The following PCDH15 variants were observed in gnomAD, a reference collection of about 807,000 sequenced individuals.
The protein encoded by PCDH15 is protocadherin-15.
A neutral mutation model predicts 178.5 loss-of-function variants in PCDH15; 129 were observed. The ratio of observed to expected loss-of-function variants is 0.72; its 90% CI spans 0.63 to 0.84. The LOEUF is 0.84. Ranked by LOEUF, PCDH15 falls within the 40% of genes least tolerant of loss-of-function variation. The pLI is 0.00. For missense variants in PCDH15, 2,230 were observed against 2,099.9 expected, an observed-to-expected ratio of 1.06 and a Z score of -1.21; for synonymous variants, 800 against 732.0, an observed-to-expected ratio of 1.09 and a Z score of -1.50.
At chr10:54,241,839 T>G (rs571928176) in intron 8 of PCDH15, among the ~76,000 whole-genome samples, 4 of 152,018 alleles carry the variant, frequency 2.6e-5, no homozygotes, top group Non-Finnish European at 4.4e-5. Context: ...AAAAAAAGTC[T>G]TCTGTGAAAA....
intron 15 of PCDH15, among the ~76,000 whole-genome samples, chr10:54,129,952 T>C (rs753212609): frequency 7.2e-5 from 11 of 152,090 alleles, no homozygotes; most frequent in Non-Finnish European, 1.2e-4. Context: ...AGGAGAAATA[T>C]GCAAATGGTG....
intron 2 of PCDH15, among the ~76,000 whole-genome samples, chr10:54,554,989 A>G (rs543004137): frequency 4.6e-5 from 7 of 152,290 alleles, no homozygotes; most frequent in African/African-American, 1.7e-4. Flanking sequence ...CAGAAAGGAC[A>G]TTGGAAAAAG....
chr10:55,495,376 TCTACC>T (rs538018062), intron 2 of PCDH15, among the ~76,000 whole-genome samples: 185 of 151,876 alleles, frequency 1.2e-3, no homozygotes, highest in Admixed American at 2.0e-3. Flanking sequence ...ATAAGGGACT[TCTACC>T]CAGAATTTAC....
At chr10:55,193,096 G>A (rs1839987912) in intron 1 of PCDH15, among the ~76,000 whole-genome samples, 1 of 150,390 alleles carries the variant, frequency 6.6e-6, no homozygotes. Context: ...AAGAGACACT[G>A]TCCTCAACCT....
chr10:53,931,293 A>G (rs971318247), intron 25 of PCDH15, among the ~76,000 whole-genome samples: 3 of 152,228 alleles, frequency 2.0e-5, no homozygotes, highest in African/African-American at 7.2e-5. Context: ...AGTGGGCAGA[A>G]CTGGAGCTTA....
At chr10:54,478,399 G>T (rs1436080489) in intron 3 of PCDH15, among the ~76,000 whole-genome samples, 2 of 152,092 alleles carry the variant, frequency 1.3e-5, no homozygotes, top group African/African-American at 2.4e-5. Context: ...GCCCCAAATT[G>T]TAATGATAGC....
chr10:55,484,965 A>G (rs1840266047), intron 2 of PCDH15, among the ~76,000 whole-genome samples: 1 of 151,806 alleles, frequency 6.6e-6, no homozygotes. Flanking sequence ...ACTTCATGAT[A>G]TTGTTCTGGG....
chr10:54,032,265 G>A (rs1258536293), intron 18 of PCDH15, among the ~76,000 whole-genome samples: 1 of 151,838 alleles, frequency 6.6e-6, no homozygotes, highest in East Asian at 1.9e-4. Flanking sequence ...AGAAGCATCT[G>A]AGTAAGCTAA....
intron 28 of PCDH15, among the ~76,000 whole-genome samples, chr10:53,852,803 AG>A (rs2132963029): frequency 6.6e-6 from 1 of 152,242 alleles, no homozygotes; most frequent in Non-Finnish European, 1.5e-5. Flanking sequence ...TTCATCGGAT[AG>A]GGATGTCTCA....
At chr10:54,259,137 A>G (rs2057133021) in intron 8 of PCDH15, among the ~76,000 whole-genome samples, 1 of 152,246 alleles carries the variant, frequency 6.6e-6, no homozygotes, top group East Asian at 1.9e-4. Flanking sequence ...AGAATGCTGC[A>G]GAAGGGCTCA....
At chr10:53,874,135 G>GT (rs924560787) in intron 26 of PCDH15, among the ~76,000 whole-genome samples, 6 of 151,658 alleles carry the variant, frequency 4.0e-5, no homozygotes, top group South Asian at 4.2e-4. Context: ...GAATTTTTTT[G>GT]TTTTTTTTAC....
intron 11 of PCDH15, chr10:54,189,530 A>T: frequency 2.2e-6 from 1 of 460,288 alleles, no homozygotes; most frequent in Non-Finnish European, 3.9e-6. Flanking sequence ...TGTGACCCAC[A>T]TATAATGGAA....
At chr10:55,385,585 A>T (rs927665440) in intron 2 of PCDH15, among the ~76,000 whole-genome samples, 4 of 151,138 alleles carry the variant, frequency 2.6e-5, no homozygotes, top group African/African-American at 7.3e-5. Context: ...TCTAATTACA[A>T]GAAAGACAAA....
At chr10:54,431,178 C>T (rs1333397108) in intron 3 of PCDH15, among the ~76,000 whole-genome samples, 1 of 152,072 alleles carries the variant, frequency 6.6e-6, no homozygotes, top group Non-Finnish European at 1.5e-5. Flanking sequence ...TTCTACCACA[C>T]ATTTAAAGAA....
intron 2 of PCDH15, among the ~76,000 whole-genome samples, chr10:55,364,477 T>C (rs988575635): frequency 2.6e-5 from 4 of 152,164 alleles, no homozygotes; most frequent in African/African-American, 9.6e-5. Context: ...TAATGTATTT[T>C]TTTTCTGGAT....
chr10:55,155,121 G>A (rs1280830004), intron 2 of PCDH15, among the ~76,000 whole-genome samples: 2 of 151,976 alleles, frequency 1.3e-5, no homozygotes, highest in Admixed American at 6.6e-5. Flanking sequence ...ATTGCAATAA[G>A]GATTTTAGGA....
intron 2 of PCDH15, among the ~76,000 whole-genome samples, chr10:55,135,572 T>TTA (rs2132082245): frequency 7.2e-6 from 1 of 138,956 alleles, no homozygotes; most frequent in East Asian, 2.1e-4. Context: ...TTTCTTTTCT[T>TTA]TCTTTTTTTT....
In PCDH15 at chr10:54,656,314, CA is replaced by C. The variant is rs1488714567; in HGVS notation, c.91+7857del. Among the ~76,000 whole-genome samples, 7 of 150,582 alleles carry C rather than the reference CA, an allele frequency of 4.6e-5. No homozygotes were observed. In the East Asian group the frequency reaches 1.4e-3, roughly 30 times the overall value. On this transcript the variant is annotated intron_variant, in intron 2 of 37. Transcript: ENST00000644397. ...GAAGAGTCTGGCAGAGATTGACCCC[CA>C]AGGAACTTAGAGACCCCAAAAAAGT...
At chr10:54,719,406 G>C (rs914181854) in intron 1 of PCDH15, among the ~76,000 whole-genome samples, 1 of 151,970 alleles carries the variant, frequency 6.6e-6, no homozygotes, top group African/African-American at 2.4e-5. Context: ...GTATTCCAGA[G>C]GAAGATGAAG....
Sources: gnomAD v4.1 joint callset for allele counts (sites outside exome capture counted in the v4.1 genomes callset) on GRCh38, gnomAD v4.1.1 for gene constraint, MANE v1.5 for transcripts, NCBI Gene and HGNC (gene_info 2026-07-23, HGNC 2026-07-21) for gene names.